PTPRB: variants seen among roughly 807,000 people sequenced by gnomAD.
PTPRB encodes receptor-type tyrosine-protein phosphatase beta.
Under a neutral mutation model 238.1 loss-of-function variants are expected in PTPRB, and 97 were observed. The ratio of observed to expected loss-of-function variants is 0.41; its 90% CI spans 0.35 to 0.48. PTPRB has a LOEUF of 0.48. PTPRB is among the 20% of genes least tolerant of loss of function. PTPRB has a pLI of 0.30. For missense variants in PTPRB, 2,292 were observed against 2,681.9 expected (o/e 0.85, Z 3.21); for synonymous variants, 970 against 995.4 (o/e 0.97, Z 0.48).
At chr12:70,608,995 T>C in intron 4 of PTPRB, 74 bp downstream of exon 4, 3 of 1,516,102 alleles carry the variant, frequency 2.0e-6, no homozygotes, top group Non-Finnish European at 2.7e-6. Context: ...GGAACTCAAA[T>C]GAAACACCAG....
chr12:70,634,056 T>G (rs1331145069), intron 2 of PTPRB, among the ~76,000 whole-genome samples: 3 of 152,190 alleles, frequency 2.0e-5, no homozygotes, highest in Non-Finnish European at 2.9e-5. Context: ...TTGAGTAGGT[T>G]TTTTTCTCAT....
chr12:70,565,072 A>G (rs1445343673), intron 15 of PTPRB, among the ~76,000 whole-genome samples: 1 of 152,034 alleles, frequency 6.6e-6, no homozygotes, highest in East Asian at 1.9e-4. Context: ...TCACTTCTGT[A>G]TATCCAGCAG....
At chr12:70,572,158 TG>T (rs1315599944) in intron 11 of PTPRB, 71 bp from the exon 12 acceptor site, 44 of 1,400,328 alleles carry the variant, frequency 3.1e-5, no homozygotes, top group Non-Finnish European at 4.0e-5. Context: ...GATGACAAGC[TG>T]GGACAATAAA....
In PTPRB at chr12:70,521,496, C is replaced by T. The variant is rs772544125; in HGVS notation, c.6641G>A (p.Arg2214Lys). 1.3e-6 allele frequency: 2 copies of T among 1,544,800 alleles called. No individual in the cohort carries two copies. Among genetic ancestry groups the T allele is most frequent in the South Asian group, 2.5e-5 (2 of 81,118 alleles). The stretch of plus-strand genomic sequence containing the variant: ...AGCTCTTCAGGTACATTCTCAATGC[C>T]TTGAATAGACTGGATCTGAAAGGAA... ...PEYHRDPVYS[R>K]H Residue 2214 changes from arginine to lysine, a missense_variant, in exon 34 of 34, where the codon AGG becomes AAG. Coordinates refer to ENST00000334414, the MANE Select transcript of PTPRB (RefSeq NM_001109754.4).
intron 16 of PTPRB, among the ~76,000 whole-genome samples, chr12:70,562,396 CTG>C (rs1367919817): frequency 6.6e-6 from 1 of 152,190 alleles, no homozygotes; most frequent in African/African-American, 2.4e-5. Flanking sequence ...TCCTGGAACT[CTG>C]TGTTTTCACT....
rs1202820107 is a variant in PTPRB, at chr12:70,576,444, G to A, written c.2780C>T (p.Thr927Ile). ...FSSLTPGRLYTVTITTRSGKY... is the reference protein window; with the variant it reads ...FSSLTPGRLYIVTITTRSGKY... Reference sequence around the variant, plus strand: ...GCCACTCCTTGTAGTTATGGTCACGGTGTAGAGGCGGCCTGGGGTGAGGGA... The same window carrying A: ...GCCACTCCTTGTAGTTATGGTCACGATGTAGAGGCGGCCTGGGGTGAGGGA... Residue 927 changes from threonine (T) to isoleucine (I), a missense_variant, in exon 11 of 34, where the codon ACC (threonine) becomes ATC (isoleucine). Around this residue, in one of 4 missense-constraint regions of PTPRB, gnomAD observed 1,205 missense variants for 1,287.8 expected, o/e 0.94. Transcript: ENST00000334414. 1.2e-6 allele frequency: 2 copies of A among 1,606,852 alleles called. No individual in the cohort carries two copies. Among genetic ancestry groups the A allele is most frequent in the Non-Finnish European group, 1.7e-6 (2 of 1,176,532 alleles).
chr12:70,627,560 A>G (rs1885262069), intron 2 of PTPRB, among the ~76,000 whole-genome samples: 1 of 152,100 alleles, frequency 6.6e-6, no homozygotes, highest in Admixed American at 6.6e-5. Context: ...GGGACCATAG[A>G]GGCAAAAGAA....
chr12:70,516,004 G>A lies in PTPRB; in HGVS notation c.*5485C>T, dbSNP rs1871178547. The A allele has an allele frequency of 2.6e-5, 4 of 151,998 alleles. No homozygotes were observed. In the South Asian group the frequency reaches 8.3e-4, roughly 31 times the overall value. 9.4% of individuals were successfully genotyped at this position (151,998 alleles called of 1,614,324 possible). A position where few individuals can be genotyped will look rare whatever the true frequency, so the allele number is the denominator to read the frequency against. On this transcript the variant is annotated 3_prime_UTR_variant, in exon 34 of 34. Coordinates refer to ENST00000334414, the MANE Select transcript of PTPRB (RefSeq NM_001109754.4). ...TAATTTAAATTGAAAGACTAAGGAA[G>A]TTCTTTGTTCAAATACAGTTAGTTA...
chr12:70,632,475 G>A (rs1017862172), intron 2 of PTPRB, among the ~76,000 whole-genome samples: 1 of 151,898 alleles, frequency 6.6e-6, no homozygotes, highest in Non-Finnish European at 1.5e-5. Context: ...AATGCCTAGT[G>A]TAAATGACGA....
chr12:70,556,129 G>A lies in PTPRB; in HGVS notation c.4734C>T (p.Asn1578=), dbSNP rs1195815897. The stretch of plus-strand genomic sequence containing the variant: ...TGGAGTTCTGAGGCCGGCAATGCAG[G>A]TTTTGTATCTTGTCAGGCTCTAAAG... ...SVRTKPDKIQ[N]LHCRPQNSTA... The change falls in exon 19 of 34, where the codon AAC becomes AAT. Residue 1578 remains asparagine, a synonymous_variant. Transcript: ENST00000334414. 1.9e-6 allele frequency: 3 copies of A among 1,613,378 alleles called. No homozygotes were observed. Among genetic ancestry groups the A allele is most frequent in the Non-Finnish European group, 2.5e-6 (3 of 1,179,486 alleles).
At position 70,559,325 on chromosome 12, in the gene PTPRB, T is replaced by C. The variant is rs1242729068; in HGVS notation, c.4714+18A>G. The C allele has an allele frequency of 6.3e-7, 1 of 1,594,268 alleles. No homozygotes were observed. The highest frequency in any genetic ancestry group is 8.6e-7 in the Non-Finnish European group (1 of 1,162,192). The stretch of plus-strand genomic sequence containing the variant: ...CTCTACTCCATTTGAGAAATAAGAG[T>C]AGCAAAACATGTCATACTTGTCCTC... On this transcript the variant is annotated intron_variant, in intron 18 of 33. Transcript: ENST00000334414.
Position 70,576,520 on chromosome 12 carries a change from C to G in PTPRB, c.2704G>C (p.Val902Leu). Reference sequence around the variant, plus strand: ...TTGGCAATGACAAGGGACTGAACCACCTTGCCGTCATGAGACAATGTTACC... The same window carrying G: ...TTGGCAATGACAAGGGACTGAACCAGCTTGCCGTCATGAGACAATGTTACC... Reference protein sequence around the residue: ...YEVTLSHDGKVVQSLVIAKSV... With the variant: ...YEVTLSHDGKLVQSLVIAKSV... The change falls in exon 11 of 34, where the codon GTG becomes CTG. Residue 902 changes from valine (V) to leucine (L), a missense_variant. Val to Leu is a conservative substitution (Grantham distance 32, BLOSUM62 1). Around this residue, in one of 4 missense-constraint regions of PTPRB, gnomAD observed 1,205 missense variants for 1,287.8 expected, o/e 0.94. Coordinates refer to ENST00000334414, the MANE Select transcript of PTPRB (RefSeq NM_001109754.4). 3.2e-6 allele frequency: 5 copies of G among 1,568,776 alleles called. No individual in the cohort carries two copies. Among genetic ancestry groups the G allele is most frequent in the Non-Finnish European group, 4.3e-6 (5 of 1,155,186 alleles).
chr12:70,539,730 A>G, intron 25 of PTPRB, 24 bp from the exon 26 acceptor site: 1 of 1,600,094 alleles, frequency 6.2e-7, no homozygotes, highest in Non-Finnish European at 8.6e-7. Context: ...TGAAACAAAC[A>G]GAAAAGAGTT....
chr12:70,575,797 ATTCAT>A (rs2136396795), intron 11 of PTPRB, among the ~76,000 whole-genome samples: 1 of 152,318 alleles, frequency 6.6e-6, no homozygotes, highest in Admixed American at 6.5e-5. Context: ...TGGACTGAAC[ATTCAT>A]TTCCTTTGCT....
At chr12:70,629,254 C>T (rs1885337469) in intron 2 of PTPRB, among the ~76,000 whole-genome samples, 1 of 152,146 alleles carries the variant, frequency 6.6e-6, no homozygotes, top group Non-Finnish European at 1.5e-5. Flanking sequence ...GCCTCTCAGA[C>T]CACAGTGCAA....
chr12:70,569,088 AATTT>A (rs946524974), intron 14 of PTPRB, among the ~76,000 whole-genome samples: 1 of 151,882 alleles, frequency 6.6e-6, no homozygotes, highest in African/African-American at 2.4e-5. Flanking sequence ...TCCTTATTAA[AATTT>A]ATTTATTTAT....
At chr12:70,592,833 A>G (rs1009366982) in intron 6 of PTPRB, among the ~76,000 whole-genome samples, 2 of 152,254 alleles carry the variant, frequency 1.3e-5, no homozygotes, top group Non-Finnish European at 2.9e-5. Context: ...AGACTGGGCC[A>G]TTAGTCAGCT....
At chr12:70,529,402 T>G (rs905853020) in intron 32 of PTPRB, among the ~76,000 whole-genome samples, 1 of 152,126 alleles carries the variant, frequency 6.6e-6, no homozygotes, top group Admixed American at 6.6e-5. Context: ...AGTTTGAGAC[T>G]ATTTACAATA....
At chr12:70,556,193 A>AT (rs11424259) in intron 18 of PTPRB, 45 bp from the exon 19 acceptor site, 312,508 of 1,364,296 alleles carry the variant, frequency 0.23, 16,534 homozygotes, top group African/African-American at 0.45. Flanking sequence ...CTCAGGGAGA[A>AT]TTTTTTTTTT....
Sources: allele counts gnomAD v4.1 joint callset (sites outside exome capture counted in the v4.1 genomes callset), GRCh38; gene constraint gnomAD v4.1.1; regional missense constraint gnomAD v4.1.1; transcripts MANE v1.5; gene names NCBI Gene and HGNC (gene_info 2026-07-23, HGNC 2026-07-21).